ZNF532: variants seen among roughly 807,000 people sequenced by gnomAD.
The protein encoded by ZNF532 is zinc finger protein 532.
ZNF532 carries 22 observed loss-of-function variants against 89.3 expected under a neutral mutation model. That is an observed-to-expected ratio of 0.25 (90% CI 0.18 to 0.35). The LOEUF is 0.35. Ranked by LOEUF, ZNF532 falls within the 10% of genes least tolerant of loss-of-function variation. ZNF532 has a pLI of 1.00. For synonymous variants in ZNF532, 606 were observed against 649.6 expected (o/e 0.93, Z 1.02); for missense variants, 1,132 against 1,643.4 (o/e 0.69, Z 5.38).
chr18:58,933,730 T>G lies in ZNF532; in HGVS notation c.2347-703T>G, dbSNP rs150194857. Among the ~76,000 whole-genome samples, 348 of 152,332 alleles carry G rather than the reference T, an allele frequency of 2.3e-3. 1 individual carries two copies. Among genetic ancestry groups the G allele is most frequent in the African/African-American group, 8.2e-3 (339 of 41,578 alleles). Reference sequence around the variant, plus strand: ...CAGTGTTTTGGGTTTTCCTGGATAGTTACTGATATAGAGCCTTTTCCAAAG... The same window carrying G: ...CAGTGTTTTGGGTTTTCCTGGATAGGTACTGATATAGAGCCTTTTCCAAAG... On this transcript the variant is annotated intron_variant, in intron 3 of 9. Coordinates refer to ENST00000591808, the MANE Select transcript of ZNF532 (RefSeq NM_001375912.1).
intron 5 of ZNF532, among the ~76,000 whole-genome samples, chr18:58,943,504 C>G (rs2063396584): frequency 6.6e-6 from 1 of 150,920 alleles, no homozygotes; most frequent in Non-Finnish European, 1.5e-5. Context: ...CGCTCTGTTG[C>G]CAGGCTGTAG....
rs2068391919 is a variant in ZNF532 at position 58,986,418 on chromosome 18, G to C, written c.*1952G>C. On this transcript the variant is annotated 3_prime_UTR_variant, in exon 10 of 10. Coordinates refer to ENST00000591808, the MANE Select transcript of ZNF532 (RefSeq NM_001375912.1). ...TCTAAATCTAATGCTCGCTCTATGT[G>C]GTTATGTACATATTGACAAATATTC... 6.6e-6 allele frequency: 1 copy of C among 152,412 alleles called. No individual in the cohort carries two copies. Among genetic ancestry groups the C allele is most frequent in the African/African-American group, 2.4e-5 (1 of 41,360 alleles). 9.4% of individuals were successfully genotyped at this position (152,412 alleles called of 1,614,324 possible).
intron 2 of ZNF532, among the ~76,000 whole-genome samples, chr18:58,888,700 T>C (rs1487046229): frequency 4.8e-5 from 2 of 41,380 alleles, no homozygotes; most frequent in South Asian, 1.8e-3. Context: ...AAAAAAATTA[T>C]ATATATATAT....
chr18:58,982,316 G>GAAAAGTTTA (rs1162816318), intron 9 of ZNF532, among the ~76,000 whole-genome samples: 1 of 151,868 alleles, frequency 6.6e-6, no homozygotes, highest in African/African-American at 2.4e-5. Flanking sequence ...TTTTTTGAGA[G>GAAAAGTTTA]AAAAGTTTAA....
Position 58,986,400 on chromosome 18 carries a change from C to A in ZNF532, c.*1934C>A, listed in dbSNP as rs1457813127. 1 of 152,628 alleles carries A rather than the reference C, an allele frequency of 6.6e-6. No homozygotes were observed. The highest frequency in any genetic ancestry group is 2.4e-5 in the African/African-American group (1 of 41,442). 9.5% of individuals were successfully genotyped at this position (152,628 alleles called of 1,614,324 possible). A position where few individuals can be genotyped will look rare whatever the true frequency, so the allele number is the denominator to read the frequency against. On this transcript the variant is annotated 3_prime_UTR_variant, in exon 10 of 10. Transcript: ENST00000591808. ...AACCCAAATATTTTGCTCTCTAAAT[C>A]TAATGCTCGCTCTATGTGGTTATGT...
chr18:58,936,111 C>T (rs1219341256), intron 4 of ZNF532, among the ~76,000 whole-genome samples: 2 of 152,166 alleles, frequency 1.3e-5, no homozygotes, highest in Non-Finnish European at 2.9e-5. Context: ...TTTTCTTGTA[C>T]GACTTCTGCC....
chr18:58,888,741 T>TTTATATATATATAAAATATATATATAA (rs2058531293), intron 2 of ZNF532, among the ~76,000 whole-genome samples: 1 of 30,444 alleles, frequency 3.3e-5, no homozygotes, highest in Non-Finnish European at 5.0e-5. Flanking sequence ...TATATATATA[T>TTTATATATATATAAAATATATATATAA]TTTATATATA....
chr18:58,940,180 A>G (rs1273649900), intron 5 of ZNF532: 4 of 152,230 alleles, frequency 2.6e-5, no homozygotes, highest in Non-Finnish European at 4.4e-5. Flanking sequence ...GGCGTGAGCC[A>G]CGGCACCCAG....
chr18:58,964,206 A>G (rs556030647), intron 7 of ZNF532: 2 of 152,324 alleles, frequency 1.3e-5, no homozygotes, highest in South Asian at 2.1e-4. Flanking sequence ...TCTTTTAGCT[A>G]TGGCGACTTT....
intron 2 of ZNF532, among the ~76,000 whole-genome samples, chr18:58,878,765 G>C (rs1490750681): frequency 6.6e-6 from 1 of 152,246 alleles, no homozygotes; most frequent in Non-Finnish European, 1.5e-5. Context: ...AGTAAGAAAG[G>C]CAGCTCATTC....
At chr18:58,909,868 C>G (rs1007218287) in intron 2 of ZNF532, among the ~76,000 whole-genome samples, 21 of 152,220 alleles carry the variant, frequency 1.4e-4, no homozygotes, top group Non-Finnish European at 2.8e-4. Flanking sequence ...AGGATTTCAT[C>G]TCCAAAGCTG....
At chr18:58,942,183 T>C (rs189117458) in intron 5 of ZNF532, among the ~76,000 whole-genome samples, 33,942 of 151,242 alleles carry the variant, frequency 0.22, 4,780 homozygotes, top group Middle Eastern at 0.4. Context: ...CCACCACGCC[T>C]GGCTAATTTT....
chr18:58,942,062 G>T (rs550081757), intron 5 of ZNF532, among the ~76,000 whole-genome samples: 19 of 127,330 alleles, frequency 1.5e-4, no homozygotes, highest in South Asian at 2.7e-4. Context: ...TCGCTGTGTC[G>T]CCCAGGCTGG....
intron 5 of ZNF532, among the ~76,000 whole-genome samples, chr18:58,945,535 T>A (rs1002853639): frequency 6.6e-6 from 1 of 152,176 alleles, no homozygotes; most frequent in African/African-American, 2.4e-5. Flanking sequence ...TCTCCTGTTT[T>A]ACACTTCCTG....
At position 58,867,726 on chromosome 18, in the gene ZNF532, C is replaced by T. The variant is rs1602436875; in HGVS notation, c.-18+2147C>T. 5.3e-5 allele frequency among the ~76,000 whole-genome samples: 8 copies of T among 152,322 alleles called. 1 individual carries two copies. The South Asian group carries it at 1.7e-3, about 32-fold the overall frequency. On this transcript the variant is annotated intron_variant, in intron 2 of 9. Coordinates refer to ENST00000591808, the MANE Select transcript of ZNF532 (RefSeq NM_001375912.1). ...AATGTGTGGGTTTGGCTGAGGAGAG[C>T]ACACTGGAAAGAAAGTGTAACTGGG...
intron 7 of ZNF532, among the ~76,000 whole-genome samples, chr18:58,963,805 G>C (rs1338799395): frequency 7.3e-6 from 1 of 137,394 alleles, no homozygotes; most frequent in African/African-American, 2.9e-5. Context: ...GTGGGCAACA[G>C]AGTGAGACCC....
chr18:58,934,383 T>C, intron 3 of ZNF532, 50 bp from the exon 4 acceptor site: 1 of 1,536,558 alleles, frequency 6.5e-7, no homozygotes, highest in Non-Finnish European at 8.9e-7. Flanking sequence ...CTTTGCATAT[T>C]AGAAAGTACT....
chr18:58,955,545 T>C (rs2064681867), intron 7 of ZNF532, among the ~76,000 whole-genome samples: 1 of 152,260 alleles, frequency 6.6e-6, no homozygotes, highest in Admixed American at 6.5e-5. Context: ...TTAAATGTGC[T>C]AAGAACTATT....
At chr18:58,948,528 T>C (rs1197619169) in intron 6 of ZNF532, among the ~76,000 whole-genome samples, 1 of 151,894 alleles carries the variant, frequency 6.6e-6, no homozygotes, top group African/African-American at 2.4e-5. Flanking sequence ...TTTTAATATG[T>C]GAAAATGATG....
Sources: gnomAD v4.1 joint callset for allele counts (sites outside exome capture counted in the v4.1 genomes callset) on GRCh38, gnomAD v4.1.1 for gene constraint, MANE v1.5 for transcripts, NCBI Gene and HGNC (gene_info 2026-07-23, HGNC 2026-07-21) for gene names.